Variants in IL6ST observed in about 807,000 individuals in gnomAD.
IL6ST encodes interleukin-6 receptor subunit beta.
A neutral mutation model predicts 91.3 loss-of-function variants in IL6ST; 24 were observed. The observed-to-expected ratio is 0.26, with a 90% CI of 0.19 to 0.37. The LOEUF (loss-of-function observed/expected upper bound fraction) is 0.37, where lower values mean the gene tolerates loss of function less well. Among genes scored for constraint, IL6ST ranks in the 10% least tolerant of loss-of-function variants. The pLI is 1.00. For synonymous variants in IL6ST, 351 were observed against 373.6 expected (o/e 0.94, Z 0.70); for missense variants, 914 against 1,078.5 (o/e 0.85, Z 2.14).
chr5:55,981,659 A>G (rs1366942610), intron 2 of IL6ST, among the ~76,000 whole-genome samples: 2 of 152,122 alleles, frequency 1.3e-5, no homozygotes, highest in African/African-American at 2.4e-5. Flanking sequence ...ATAAAAAAAA[A>G]AATTGACAGA....
At chr5:55,965,878 GA>G (rs1460061433) in intron 5 of IL6ST, among the ~76,000 whole-genome samples, 5 of 150,992 alleles carry the variant, frequency 3.3e-5, no homozygotes, top group African/African-American at 1.2e-4. Flanking sequence ...TCAAAGATGG[GA>G]CAATCCATAA....
rs564373662 is a variant in IL6ST at position 55,980,099 on chromosome 5, AGTATCT to A, written c.-16+2619_-16+2624del. Among the ~76,000 whole-genome samples the A allele has an allele frequency of 1.2e-3, 178 of 152,356 alleles. 1 individual carries two copies. Among genetic ancestry groups the A allele is most frequent in the Admixed American group, 2.2e-3 (33 of 15,296 alleles). ...CACATTCGTTTTTTTATATATGCAC[AGTATCT>A]CTAGGAGGATAAAAGTTCAAATACT... On this transcript the variant is annotated intron_variant, in intron 2 of 16. Transcript: ENST00000381298.
At chr5:55,943,145 A>C (rs1751022518) in intron 15 of IL6ST, among the ~76,000 whole-genome samples, 1 of 152,166 alleles carries the variant, frequency 6.6e-6, no homozygotes, top group Non-Finnish European at 1.5e-5. Context: ...ATAAAAATCA[A>C]ATTTAAAAAA....
At position 55,964,313 on chromosome 5, in the gene IL6ST, C is replaced by A. The variant is rs2111775026; in HGVS notation, c.492-1G>T. 6.2e-7 allele frequency: 1 copy of A among 1,600,154 alleles called. No homozygotes were observed. Among genetic ancestry groups the A allele is most frequent in the Non-Finnish European group, 8.5e-7 (1 of 1,173,156 alleles). ...GCAATCAGCAAACTTGTGTGTTGCC[C>A]TAAATACAAAAAATTGAAGAATCAG... is the stretch of plus-strand genomic sequence containing the variant. On this transcript the variant is annotated splice_acceptor_variant, in intron 5 of 16. Coordinates refer to ENST00000381298, the MANE Select transcript of IL6ST (RefSeq NM_002184.4). LOFTEE classifies it high-confidence loss of function.
rs571892082 is a variant in IL6ST, at chr5:55,973,375, G to C, written c.64+2840C>G. On this transcript the variant is annotated intron_variant, in intron 3 of 16. Transcript: ENST00000381298. ...TGCCTTGTGTCCACTCCAGCCAATG[G>C]AGTGTGCTATGAGACTTCAGAGGCT... Among the ~76,000 whole-genome samples the C allele has an allele frequency of 1.6e-4, 25 of 152,284 alleles. No individual in the cohort carries two copies. In the East Asian group the frequency reaches 2.9e-3, roughly 18 times the overall value.
At chr5:55,954,338 G>A (rs916349146) in intron 11 of IL6ST, among the ~76,000 whole-genome samples, 4 of 152,270 alleles carry the variant, frequency 2.6e-5, no homozygotes, top group South Asian at 2.1e-4. Context: ...GGAGCGCTAC[G>A]ATTCATTACT....
intron 3 of IL6ST, among the ~76,000 whole-genome samples, chr5:55,974,964 C>T (rs867300275): frequency 9.2e-5 from 14 of 151,544 alleles, no homozygotes; most frequent in African/African-American, 2.4e-4. Context: ...CATACACACA[C>T]ACACACACAC....
At chr5:55,984,948 C>T (rs1306848783) in intron 1 of IL6ST, among the ~76,000 whole-genome samples, 1 of 152,148 alleles carries the variant, frequency 6.6e-6, no homozygotes, top group East Asian at 1.9e-4. Flanking sequence ...ATGGCTAGGC[C>T]CTACGGCAGG....
Position 55,940,161 on chromosome 5 carries a change from T to G in IL6ST, c.*921A>C, listed in dbSNP as rs1300073397. 5.0e-6 allele frequency: 1 copy of G among 200,810 alleles called. No homozygotes were observed. The highest frequency in any genetic ancestry group is 1.0e-5 in the Non-Finnish European group (1 of 98,190). 12.4% of individuals were successfully genotyped at this position (200,810 alleles called of 1,614,324 possible). ...TATATATATATATATATACACACATTAGCAATTTAAGCCTTTTAACATGCC... is the reference window on the plus strand; with the variant it reads ...TATATATATATATATATACACACATGAGCAATTTAAGCCTTTTAACATGCC... On this transcript the variant is annotated 3_prime_UTR_variant, in exon 17 of 17. Transcript: ENST00000381298.
rs534737935 is a variant in IL6ST at position 55,994,074 on chromosome 5, G to A, written c.-104+710C>T. The A allele has an allele frequency of 1.1e-4, 15 of 130,972 alleles. 1 individual carries two copies. Among genetic ancestry groups the A allele is most frequent in the Middle Eastern group, 4.1e-3 (1 of 246 alleles). 8.1% of individuals were successfully genotyped at this position (130,972 alleles called of 1,614,324 possible). A position where few individuals can be genotyped will look rare whatever the true frequency, so the allele number is the denominator to read the frequency against. ...AAAAAAAAAAAAAAAAAAAAAAGGT[G>A]ACGTCTTATTTTTAACCTGTGATTT... On this transcript the variant is annotated intron_variant, in intron 1 of 16. Coordinates refer to ENST00000381298, the MANE Select transcript of IL6ST (RefSeq NM_002184.4).
chr5:55,968,914 C>G (rs1367067853), intron 4 of IL6ST, among the ~76,000 whole-genome samples: 1 of 152,170 alleles, frequency 6.6e-6, no homozygotes, highest in African/African-American at 2.4e-5. Flanking sequence ...TACTCCAAGG[C>G]CAGGCACAGT....
intron 5 of IL6ST, among the ~76,000 whole-genome samples, chr5:55,967,041 G>A (rs552226699): frequency 2.6e-5 from 4 of 151,566 alleles, no homozygotes; most frequent in South Asian, 2.1e-4. Flanking sequence ...GGCCAGGCGC[G>A]GTGGCCACGT....
intron 12 of IL6ST, 81 bp downstream of exon 12, chr5:55,952,169 T>C (rs765749433): frequency 2.0e-6 from 3 of 1,482,188 alleles, no homozygotes; most frequent in Admixed American, 1.9e-5. Context: ...ATGAGATACA[T>C]CTTTATTTAA....
chr5:55,979,551 A>G (rs1351248659), intron 2 of IL6ST, among the ~76,000 whole-genome samples: 1 of 152,236 alleles, frequency 6.6e-6, no homozygotes, highest in African/African-American at 2.4e-5. Flanking sequence ...AAAAAGTATC[A>G]ACAGGGTGTT....
chr5:55,965,117 A>G (rs1002532239), intron 5 of IL6ST, among the ~76,000 whole-genome samples: 12 of 152,202 alleles, frequency 7.9e-5, no homozygotes, highest in Non-Finnish European at 1.5e-4. Flanking sequence ...CTGAGTATGT[A>G]GTATAACCAC....
At chr5:55,986,810 A>G (rs1430019482) in intron 1 of IL6ST, among the ~76,000 whole-genome samples, 1 of 152,174 alleles carries the variant, frequency 6.6e-6, no homozygotes, top group Non-Finnish European at 1.5e-5. Context: ...ATAGTATATA[A>G]TAGTATACTT....
At chr5:55,948,333 G>A (rs956962584) in intron 14 of IL6ST, among the ~76,000 whole-genome samples, 1 of 152,090 alleles carries the variant, frequency 6.6e-6, no homozygotes, top group African/African-American at 2.4e-5. Flanking sequence ...GATTAATTTT[G>A]AATTTTACTT....
At chr5:55,976,326 AT>A in intron 2 of IL6ST, 33 bp from the exon 3 acceptor site, 1 of 1,277,996 alleles carries the variant, frequency 7.8e-7, no homozygotes, top group Non-Finnish European at 1.1e-6. Flanking sequence ...TACTTTTAAT[AT>A]TTTTTCTCTT....
chr5:55,954,980 A>G lies in IL6ST; in HGVS notation c.1280T>C (p.Val427Ala). The G allele has an allele frequency of 6.2e-7, 1 of 1,600,474 alleles. No homozygotes were observed. Among genetic ancestry groups the G allele is most frequent in the Non-Finnish European group, 8.5e-7 (1 of 1,173,486 alleles). Residue 427 changes from valine (V) to alanine (A), a missense_variant, in exon 11 of 17, where the codon GTA (valine) becomes GCA (alanine). Physicochemically the swap from Val to Ala is moderately conservative, Grantham distance 64. Transcript: ENST00000381298. ...PACDFQATHP[V>A]MDLKAFPKDN... ...TTTGGGGAATGCTTTAAGATCCATT[A>G]CAGGGTGAGTAGCTTTAAAACAAAG...
Sources: gnomAD v4.1 joint callset for allele counts (sites outside exome capture counted in the v4.1 genomes callset) on GRCh38, gnomAD v4.1.1 for gene constraint, MANE v1.5 for transcripts, NCBI Gene and HGNC (gene_info 2026-07-23, HGNC 2026-07-21) for gene names.